HECW1: variants seen among roughly 807,000 people sequenced by gnomAD.
HECW1 encodes the protein HECT, C2 and WW domain containing E3 ubiquitin protein ligase 1, also known as E3 ubiquitin-protein ligase HECW1.
A neutral mutation model predicts 182.3 loss-of-function variants in HECW1; 61 were observed. That is an observed-to-expected ratio of 0.33 (90% CI 0.27 to 0.41). The LOEUF (loss-of-function observed/expected upper bound fraction) is 0.41. Ranked by LOEUF, HECW1 falls within the 10% of genes least tolerant of loss-of-function variation. HECW1 has a pLI of 1.00. For synonymous variants in HECW1, 859 were observed against 832.6 expected (o/e 1.03, Z -0.55); for missense variants, 1,739 against 2,108.9 (o/e 0.82, Z 3.44).
At chr7:43,478,470 T>C (rs2078298883) in intron 16 of HECW1, among the ~76,000 whole-genome samples, 1 of 152,066 alleles carries the variant, frequency 6.6e-6, no homozygotes, top group Non-Finnish European at 1.5e-5. Context: ...AGTAAAAAAG[T>C]CAAATGTCTA....
chr7:43,226,946 G>A (rs576781845), intron 2 of HECW1, among the ~76,000 whole-genome samples: 15 of 152,292 alleles, frequency 9.8e-5, no homozygotes, highest in East Asian at 5.8e-4. Context: ...ACATTTTCAC[G>A]GCTGTCACAA....
chr7:43,340,900 G>C (rs1397646331), intron 5 of HECW1, among the ~76,000 whole-genome samples: 4 of 151,716 alleles, frequency 2.6e-5, no homozygotes, highest in Non-Finnish European at 5.9e-5. Context: ...CAAAGACTTG[G>C]AACCAACCCA....
chr7:43,565,466 G>A lies in HECW1; in HGVS notation c.*3540G>A, dbSNP rs968237092. The A allele has an allele frequency of 3.1e-5, 6 of 191,372 alleles. No individual in the cohort carries two copies. Among genetic ancestry groups the A allele is most frequent in the African/African-American group, 7.0e-5 (3 of 42,808 alleles). The allele number at this position is 191,372 out of a possible 1,614,324, so 11.9% of individuals were successfully genotyped here. On this transcript the variant is annotated 3_prime_UTR_variant, in exon 30 of 30. Coordinates refer to ENST00000395891, the MANE Select transcript of HECW1 (RefSeq NM_015052.5). ...AACCATGTGTCCAAAATTTGGGTTCGGAAATTTCTCAGTTGCCACAAATAT... is the reference window on the plus strand; with the variant it reads ...AACCATGTGTCCAAAATTTGGGTTCAGAAATTTCTCAGTTGCCACAAATAT...
intron 29 of HECW1, among the ~76,000 whole-genome samples, chr7:43,556,663 G>A (rs989318888): frequency 6.6e-6 from 1 of 151,522 alleles, no homozygotes; most frequent in Non-Finnish European, 1.5e-5. Flanking sequence ...ACTCCAGGCT[G>A]GGCAACAGAG....
chr7:43,139,628 A>T (rs896792793), intron 2 of HECW1, among the ~76,000 whole-genome samples: 6 of 152,148 alleles, frequency 3.9e-5, no homozygotes, highest in African/African-American at 1.4e-4. Flanking sequence ...CCATTTTATT[A>T]TAATACCTTC....
chr7:43,565,883 C>G lies in HECW1; in HGVS notation c.*3957C>G, dbSNP rs1453981645. On this transcript the variant is annotated 3_prime_UTR_variant, in exon 30 of 30. Transcript: ENST00000395891. Reference sequence around the variant, plus strand: ...TCTAGTCAATAGCAGGAGAAGTCCACGTTATTGGGCTGATTTTGCTTACAT... The same window carrying G: ...TCTAGTCAATAGCAGGAGAAGTCCAGGTTATTGGGCTGATTTTGCTTACAT... 1 of 192,072 alleles carries G rather than the reference C, an allele frequency of 5.2e-6. No individual in the cohort carries two copies. Among genetic ancestry groups the G allele is most frequent in the Admixed American group, 6.1e-5 (1 of 16,290 alleles). The allele number at this position is 192,072 out of a possible 1,614,324, so 11.9% of individuals were successfully genotyped here. A position where few individuals can be genotyped will look rare whatever the true frequency, so the allele number is the denominator to read the frequency against.
At chr7:43,284,293 T>C (rs746515662) in intron 3 of HECW1, among the ~76,000 whole-genome samples, 3 of 152,182 alleles carry the variant, frequency 2.0e-5, no homozygotes, top group Non-Finnish European at 2.9e-5. Context: ...GTGTGCATTG[T>C]AGAATGGCTA....
intron 3 of HECW1, among the ~76,000 whole-genome samples, chr7:43,294,950 A>G (rs1805854018): frequency 6.6e-6 from 1 of 152,126 alleles, no homozygotes; most frequent in Non-Finnish European, 1.5e-5. Context: ...ATTGTATAAT[A>G]TGTAAGATGT....
At position 43,405,809 on chromosome 7, in the gene HECW1, T is replaced by G. The variant is rs764596021; in HGVS notation, c.632-1753T>G. ...AGCCAAGAGCCAACCTTATAAGCAG[T>G]TGAGTAGTCTCAGGCTGCTATGTTA... is the stretch of plus-strand genomic sequence containing the variant. On this transcript the variant is annotated intron_variant, in intron 7 of 29. Coordinates refer to ENST00000395891, the MANE Select transcript of HECW1 (RefSeq NM_015052.5). 3.5e-4 allele frequency among the ~76,000 whole-genome samples: 54 copies of G among 152,354 alleles called. No homozygotes were observed. The South Asian group carries it at 7.3e-3, about 20-fold the overall frequency.
At chr7:43,130,196 C>T (rs1398523828) in intron 2 of HECW1, among the ~76,000 whole-genome samples, 1 of 152,076 alleles carries the variant, frequency 6.6e-6, no homozygotes, top group Non-Finnish European at 1.5e-5. Flanking sequence ...GATTTTTTGA[C>T]ATTGTATAAG....
intron 26 of HECW1, among the ~76,000 whole-genome samples, chr7:43,543,109 C>A (rs544303319): frequency 6.6e-6 from 1 of 152,340 alleles, no homozygotes; most frequent in African/African-American, 2.4e-5. Flanking sequence ...AAATGGGTTA[C>A]AATTTTAACA....
intron 2 of HECW1, among the ~76,000 whole-genome samples, chr7:43,146,583 C>T (rs376257746): frequency 3.8e-4 from 58 of 152,234 alleles, no homozygotes; most frequent in African/African-American, 1.3e-3. Flanking sequence ...AATAAGTTGC[C>T]CAAGCATTAC....
chr7:43,284,115 G>C (rs754774651), intron 3 of HECW1, among the ~76,000 whole-genome samples: 4 of 152,128 alleles, frequency 2.6e-5, no homozygotes, highest in Non-Finnish European at 5.9e-5. Flanking sequence ...ACCGTGGGGC[G>C]GGGACCCTTC....
intron 24 of HECW1, chr7:43,512,246 G>C (rs141871048): frequency 4.5e-6 from 1 of 222,180 alleles, no homozygotes; most frequent in Non-Finnish European, 9.0e-6. Flanking sequence ...ATTGTCCCTT[G>C]ACACAGGACA....
chr7:43,170,298 T>C (rs968170650), intron 2 of HECW1, among the ~76,000 whole-genome samples: 21 of 152,162 alleles, frequency 1.4e-4, no homozygotes, highest in African/African-American at 4.6e-4. Context: ...AATGTAATAA[T>C]AGTAGAAATA....
At chr7:43,401,565 A>AT (rs2075407899) in intron 7 of HECW1, among the ~76,000 whole-genome samples, 1 of 90,140 alleles carries the variant, frequency 1.1e-5, no homozygotes, top group African/African-American at 4.5e-5. Flanking sequence ...TCATTTAAAA[A>AT]GGTTTTTTTT....
At position 43,112,800 on chromosome 7, in the gene HECW1, G is replaced by T. The variant is rs58294963; in HGVS notation, c.-404G>T. Reference sequence around the variant, plus strand: ...CGGGGCACCCGGCAGCCAGAGCGCAGCGAGAGCGGGCGGTCGCCAGGGTCC... The same window carrying T: ...CGGGGCACCCGGCAGCCAGAGCGCATCGAGAGCGGGCGGTCGCCAGGGTCC... On this transcript the variant is annotated 5_prime_UTR_variant, in exon 1 of 30. Coordinates refer to ENST00000395891, the MANE Select transcript of HECW1 (RefSeq NM_015052.5). 1 of 228,888 alleles carries T rather than the reference G, an allele frequency of 4.4e-6. No individual in the cohort carries two copies. The highest frequency in any genetic ancestry group is 8.7e-6 in the Non-Finnish European group (1 of 115,290). 14.2% of individuals were successfully genotyped at this position (228,888 alleles called of 1,614,324 possible). A position where few individuals can be genotyped will look rare whatever the true frequency, so the allele number is the denominator to read the frequency against.
At chr7:43,160,564 G>A (rs1790422892) in intron 2 of HECW1, among the ~76,000 whole-genome samples, 1 of 152,178 alleles carries the variant, frequency 6.6e-6, no homozygotes, top group African/African-American at 2.4e-5. Context: ...GTTTGGAAAT[G>A]TCACTTTTAT....
chr7:43,513,864 TAGAGTC>T (rs2080001147), intron 24 of HECW1, among the ~76,000 whole-genome samples: 1 of 152,098 alleles, frequency 6.6e-6, no homozygotes, highest in South Asian at 2.1e-4. Flanking sequence ...AAAGAGGAGT[TAGAGTC>T]AGAAGAGCTC....
Sources: gnomAD v4.1 joint callset for allele counts (sites outside exome capture counted in the v4.1 genomes callset) on GRCh38, gnomAD v4.1.1 for gene constraint, MANE v1.5 for transcripts, NCBI Gene and HGNC (gene_info 2026-07-23, HGNC 2026-07-21) for gene names.